Variants in SMAP1 observed in about 807,000 individuals in gnomAD.
SMAP1 encodes small ArfGAP 1, also known as stromal membrane-associated protein 1.
A neutral mutation model predicts 58.5 loss-of-function variants in SMAP1; 24 were observed. The ratio of observed to expected loss-of-function variants is 0.41; its 90% confidence interval spans 0.30 to 0.58. The LOEUF is 0.58. Among genes scored for constraint, SMAP1 ranks in the 20% least tolerant of loss-of-function variants. The probability of loss-of-function intolerance (pLI) is 0.29; values close to 1 mark genes in which losing one functional copy is unlikely to be tolerated. For synonymous variants in SMAP1, 216 were observed against 196.6 expected (o/e 1.10, Z -0.82); for missense variants, 563 against 566.3 (o/e 0.99, Z 0.06).
chr6:70,816,978 A>G (rs1405962395), intron 6 of SMAP1, among the ~76,000 whole-genome samples: 1 of 151,950 alleles, frequency 6.6e-6, no homozygotes, highest in African/African-American at 2.4e-5. Context: ...TTTCGGATAT[A>G]TTTGTGATTT....
At chr6:70,777,067 A>G (rs534507148) in intron 4 of SMAP1, among the ~76,000 whole-genome samples, 2 of 152,304 alleles carry the variant, frequency 1.3e-5, no homozygotes, top group South Asian at 4.1e-4. Context: ...AAACCTCCAT[A>G]TTATCCATAG....
intron 1 of SMAP1, among the ~76,000 whole-genome samples, chr6:70,709,740 T>C (rs754567546): frequency 5.3e-5 from 8 of 152,228 alleles, no homozygotes; most frequent in Non-Finnish European, 1.0e-4. Context: ...TTTTTTTCTT[T>C]TTCTGTGAAA....
intron 6 of SMAP1, among the ~76,000 whole-genome samples, chr6:70,821,324 C>A (rs915098412): frequency 6.6e-6 from 1 of 152,014 alleles, no homozygotes; most frequent in Non-Finnish European, 1.5e-5. Context: ...TATTGTCTGT[C>A]TACATATGCC....
intron 2 of SMAP1, among the ~76,000 whole-genome samples, chr6:70,741,351 T>C (rs112672357): frequency 0.014 from 2,195 of 152,148 alleles, 62 homozygotes; most frequent in African/African-American, 0.05. Flanking sequence ...AATGGAGAAA[T>C]TGGCCAAAAT....
intron 2 of SMAP1, among the ~76,000 whole-genome samples, chr6:70,737,004 AT>A (rs1765645022): frequency 6.6e-6 from 1 of 152,058 alleles, no homozygotes; most frequent in South Asian, 2.1e-4. Context: ...TGGCTTCATC[AT>A]TTGTCTTTGA....
chr6:70,712,886 C>T (rs1304572018), intron 1 of SMAP1, among the ~76,000 whole-genome samples: 7 of 151,206 alleles, frequency 4.6e-5, no homozygotes, highest in Admixed American at 2.0e-4. Flanking sequence ...CTCTGCCTTC[C>T]GGGTTCAAGT....
intron 4 of SMAP1, among the ~76,000 whole-genome samples, chr6:70,789,331 C>T (rs895349762): frequency 6.6e-6 from 1 of 152,000 alleles, no homozygotes; most frequent in African/African-American, 2.4e-5. Flanking sequence ...CTTTGTGCCC[C>T]TCGCTAGTCA....
chr6:70,726,353 A>T (rs977855803), intron 1 of SMAP1, among the ~76,000 whole-genome samples: 6 of 152,250 alleles, frequency 3.9e-5, no homozygotes, highest in Non-Finnish European at 7.3e-5. Flanking sequence ...GGTACAGAAC[A>T]TACAGAGATC....
intron 2 of SMAP1, among the ~76,000 whole-genome samples, chr6:70,747,260 A>G (rs1374285536): frequency 6.6e-6 from 1 of 152,180 alleles, no homozygotes; most frequent in African/African-American, 2.4e-5. Flanking sequence ...TATCACTATT[A>G]TTTGTATAGT....
intron 4 of SMAP1, among the ~76,000 whole-genome samples, chr6:70,790,634 A>C (rs1768308553): frequency 6.6e-6 from 1 of 152,142 alleles, no homozygotes; most frequent in Non-Finnish European, 1.5e-5. Context: ...GTAAGCAAGG[A>C]GAAAAAAATT....
At chr6:70,711,162 C>T (rs1035851009) in intron 1 of SMAP1, among the ~76,000 whole-genome samples, 2 of 152,082 alleles carry the variant, frequency 1.3e-5, no homozygotes, top group African/African-American at 4.8e-5. Flanking sequence ...AAACCAGTAC[C>T]ATAGTCATTT....
intron 1 of SMAP1, among the ~76,000 whole-genome samples, chr6:70,705,592 G>C (rs534570470): frequency 6.6e-6 from 1 of 152,152 alleles, no homozygotes; most frequent in South Asian, 2.1e-4. Flanking sequence ...TTTCTTGCCA[G>C]TTTAAGAGAG....
chr6:70,717,196 T>C (rs1181618482), intron 1 of SMAP1, among the ~76,000 whole-genome samples: 1 of 152,236 alleles, frequency 6.6e-6, no homozygotes, highest in Non-Finnish European at 1.5e-5. Flanking sequence ...CAGTTCATTC[T>C]ATCTTTAGGG....
At chr6:70,685,717 C>T (rs1018909647) in intron 1 of SMAP1, among the ~76,000 whole-genome samples, 2 of 152,030 alleles carry the variant, frequency 1.3e-5, no homozygotes, top group African/African-American at 4.8e-5. Context: ...TGGGAGTTAT[C>T]GGCATAGAAG....
intron 4 of SMAP1, among the ~76,000 whole-genome samples, chr6:70,777,451 TTTA>T (rs1219016201): frequency 9.3e-5 from 14 of 150,590 alleles, no homozygotes; most frequent in African/African-American, 2.8e-4. Context: ...TGCTTATTTT[TTTA>T]TTATTATTTT....
intron 1 of SMAP1, among the ~76,000 whole-genome samples, chr6:70,695,006 C>A (rs79222318): frequency 6.6e-6 from 1 of 152,224 alleles, no homozygotes; most frequent in Non-Finnish European, 1.5e-5. Flanking sequence ...CTGTGGAGAT[C>A]TTCCATTTCT....
At chr6:70,736,118 G>A (rs1765608551) in intron 2 of SMAP1, among the ~76,000 whole-genome samples, 1 of 151,966 alleles carries the variant, frequency 6.6e-6, no homozygotes, top group African/African-American at 2.4e-5. Context: ...TTATGTATAT[G>A]TTATGTGTTT....
At chr6:70,712,297 T>C (rs1768087812) in intron 1 of SMAP1, among the ~76,000 whole-genome samples, 1 of 152,160 alleles carries the variant, frequency 6.6e-6, no homozygotes, top group Non-Finnish European at 1.5e-5. Context: ...TTGGTCAAAG[T>C]GTATTATCTT....
chr6:70,854,676 G>T (rs1472706786), intron 8 of SMAP1, among the ~76,000 whole-genome samples: 1 of 151,970 alleles, frequency 6.6e-6, no homozygotes, highest in Non-Finnish European at 1.5e-5. Flanking sequence ...GAAAATGGGG[G>T]ATGGTGCTGA....
Sources: gnomAD v4.1 joint callset for allele counts (sites outside exome capture counted in the v4.1 genomes callset) on GRCh38, gnomAD v4.1.1 for gene constraint, MANE v1.5 for transcripts, NCBI Gene and HGNC (gene_info 2026-07-23, HGNC 2026-07-21) for gene names.